The following TLR2 variants were observed in gnomAD, a reference collection of about 807,000 sequenced individuals.
TLR2 encodes the protein toll-like receptor 2.
Under a neutral mutation model 9.1 loss-of-function variants are expected in TLR2, and 7 were observed. The observed-to-expected ratio is 0.77, with a 90% CI of 0.44 to 1.44. The LOEUF (loss-of-function observed/expected upper bound fraction) is 1.44. TLR2 is among the 40% of genes most tolerant of loss of function. TLR2 has a pLI of 0.01. For synonymous variants in TLR2, 317 were observed against 344.6 expected, an observed-to-expected ratio of 0.92 and a Z score of 0.89; for missense variants, 812 against 904.6, an observed-to-expected ratio of 0.90 and a Z score of 1.31.
rs933891033 is a variant in TLR2 at position 153,705,680 on chromosome 4, A to G, written c.*418A>G. 29 of 167,194 alleles carry G rather than the reference A, an allele frequency of 1.7e-4. No individual in the cohort carries two copies. The highest frequency in any genetic ancestry group is 6.3e-4 in the African/African-American group (26 of 41,482). The allele number at this position is 167,194 out of a possible 1,614,324, so 10.4% of individuals were successfully genotyped here. A position where few individuals can be genotyped will look rare whatever the true frequency, so the allele number is the denominator to read the frequency against. ...ATCTCTAGATTACTTATGATACCCA[A>G]TACAATGTAAATACTATGTAAATAG... On this transcript the variant is annotated 3_prime_UTR_variant, in exon 3 of 3. Transcript: ENST00000642700.
intron 2 of TLR2, among the ~76,000 whole-genome samples, chr4:153,692,805 A>G (rs961411081): frequency 6.6e-6 from 1 of 152,222 alleles, no homozygotes; most frequent in Non-Finnish European, 1.5e-5. Flanking sequence ...AAATATAACT[A>G]CTTTGATATA....
At chr4:153,707,239 A>G (rs1737363508), downstream of TLR2, among the ~76,000 whole-genome samples, 1 of 152,146 alleles carries the variant, frequency 6.6e-6, no homozygotes, top group Non-Finnish European at 1.5e-5. Context: ...ACCTCCCAGA[A>G]GAGTGTTATG....
downstream of TLR2, among the ~76,000 whole-genome samples, chr4:153,708,150 A>C (rs1737390519): frequency 6.6e-6 from 1 of 152,212 alleles, no homozygotes. Context: ...GAGGCTGTTT[A>C]GTGATTATCT....
chr4:153,710,543 C>A, downstream of TLR2: 1 of 1,531,558 alleles, frequency 6.5e-7, no homozygotes, highest in South Asian at 1.2e-5. Context: ...CAGAAATATT[C>A]ATAAATGTCA....
intron 1 of TLR2, among the ~76,000 whole-genome samples, chr4:153,685,181 C>T (rs1168982828): frequency 6.6e-6 from 1 of 152,234 alleles, no homozygotes; most frequent in Non-Finnish European, 1.5e-5. Context: ...TAGAAAACAA[C>T]TTACAGCGTT....
downstream of TLR2, chr4:153,710,417 C>T (rs1453431570): frequency 1.9e-6 from 3 of 1,581,506 alleles, no homozygotes; most frequent in African/African-American, 4.0e-5. Flanking sequence ...TTCCTATCAC[C>T]ACAGGTTGCC....
chr4:153,706,117 T>A lies in TLR2; in HGVS notation c.*855T>A, dbSNP rs578171109. ...TACTAGAGGGTGTATTTTCATGTGA[T>A]CTGGATCTGTCTTTCTGGCTATTAG... On this transcript the variant is annotated 3_prime_UTR_variant, in exon 3 of 3. Transcript: ENST00000642700. Among the ~76,000 whole-genome samples the A allele has an allele frequency of 2.6e-5, 4 of 152,376 alleles. No individual in the cohort carries two copies. Among genetic ancestry groups the A allele is most frequent in the African/African-American group, 9.6e-5 (4 of 41,590 alleles).
At chr4:153,702,759 TCTTTG>T (rs1736986196) in intron 2 of TLR2, 128 bp from the exon 3 acceptor site, 15 of 570,694 alleles carry the variant, frequency 2.6e-5, no homozygotes, top group Admixed American at 4.0e-5. Flanking sequence ...TCTCTCTCTC[TCTTTG>T]TGTGTGTGTG....
chr4:153,696,366 T>C (rs565835713), intron 2 of TLR2, among the ~76,000 whole-genome samples: 1 of 152,290 alleles, frequency 6.6e-6, no homozygotes, highest in South Asian at 2.1e-4. Flanking sequence ...GCATCAGTGT[T>C]TATAGTGTTT....
At chr4:153,699,370 C>T (rs1050779246) in intron 2 of TLR2, among the ~76,000 whole-genome samples, 5 of 152,176 alleles carry the variant, frequency 3.3e-5, no homozygotes, top group Non-Finnish European at 7.3e-5. Context: ...TTAATTTGCA[C>T]TATGGTATAA....
rs759785067 is a variant in TLR2 at position 153,703,311 on chromosome 4, C to T, written c.404C>T (p.Pro135Leu). The change falls in exon 3 of 3, where the codon CCT becomes CTT. Residue 135 changes from proline (P) to leucine (L), a missense_variant. By Grantham distance (98) the Pro-to-Leu change is moderately conservative (BLOSUM62 -3). Coordinates refer to ENST00000642700, the MANE Select transcript of TLR2 (RefSeq NM_001318789.2). ...ACATTCTTAAACTTACTGGGAAATC[C>T]TTACAAAACCCTAGGGGAAACATCT... Reference protein sequence around the residue: ...SLTFLNLLGNPYKTLGETSLF... With the variant: ...SLTFLNLLGNLYKTLGETSLF... 6.2e-7 allele frequency: 1 copy of T among 1,612,310 alleles called. No individual in the cohort carries two copies. The highest frequency in any genetic ancestry group is 8.5e-7 in the Non-Finnish European group (1 of 1,179,630).
chr4:153,705,329 A>C lies in TLR2; in HGVS notation c.*67A>C. On this transcript the variant is annotated 3_prime_UTR_variant, in exon 3 of 3. Coordinates refer to ENST00000642700, the MANE Select transcript of TLR2 (RefSeq NM_001318789.2). Reference sequence around the variant, plus strand: ...TATGTCACTAGTTATAGTTAAGTTCATTCAGACATAATTATATAAAAACTA... The same window carrying C: ...TATGTCACTAGTTATAGTTAAGTTCCTTCAGACATAATTATATAAAAACTA... 4 of 1,446,548 alleles carry C rather than the reference A, an allele frequency of 2.8e-6. No homozygotes were observed. Among genetic ancestry groups the C allele is most frequent in the South Asian group, 1.5e-5 (1 of 66,398 alleles). The allele number at this position is 1,446,548 out of a possible 1,614,324, so 89.6% of individuals were successfully genotyped here. A position where few individuals can be genotyped will look rare whatever the true frequency, so the allele number is the denominator to read the frequency against.
chr4:153,689,000 C>T (rs555311139), intron 2 of TLR2, among the ~76,000 whole-genome samples: 56 of 152,194 alleles, frequency 3.7e-4, no homozygotes, highest in Non-Finnish European at 5.4e-4. Flanking sequence ...AGATTAAAAG[C>T]ACAACCATCA....
chr4:153,704,685 G>C lies in TLR2; in HGVS notation c.1778G>C (p.Gly593Ala). 1 of 1,613,670 alleles carries C rather than the reference G, an allele frequency of 6.2e-7. No homozygotes were observed. Among genetic ancestry groups the C allele is most frequent in the South Asian group, 1.1e-5 (1 of 91,054 alleles). Residue 593 changes from glycine to alanine, a missense_variant, in exon 3 of 3, where the codon GGC becomes GCC. Coordinates refer to ENST00000642700, the MANE Select transcript of TLR2 (RefSeq NM_001318789.2). The stretch of plus-strand genomic sequence containing the variant: ...TGTCACAGGACAGCACTGGTGTCTG[G>C]CATGTGCTGTGCTCTGTTCCTGCTG... ...SECHRTALVS[G>A]MCCALFLLIL...
At chr4:153,702,696 T>C in intron 2 of TLR2, 196 bp from the exon 3 acceptor site, 1 of 572,874 alleles carries the variant, frequency 1.7e-6, no homozygotes, top group Middle Eastern at 4.6e-4. Context: ...GCTGAATGTA[T>C]CAGGGAATTC....
At chr4:153,698,158 A>G (rs1230563403) in intron 2 of TLR2, among the ~76,000 whole-genome samples, 1 of 152,174 alleles carries the variant, frequency 6.6e-6, no homozygotes, top group Middle Eastern at 3.2e-3. Flanking sequence ...CAGGTTTCTG[A>G]TAACTTTAAG....
chr4:153,692,005 A>T (rs2127025269), intron 2 of TLR2, among the ~76,000 whole-genome samples: 1 of 152,250 alleles, frequency 6.6e-6, no homozygotes, highest in South Asian at 2.1e-4. Flanking sequence ...CACTGTGAAA[A>T]TTTTTTACGA....
chr4:153,689,733 G>A lies in TLR2; in HGVS notation c.-17+1686G>A, dbSNP rs371637017. Among the ~76,000 whole-genome samples the A allele has an allele frequency of 9.2e-5, 14 of 152,348 alleles. No individual in the cohort carries two copies. The East Asian group carries it at 2.3e-3, about 25-fold the overall frequency. ...TGCCCAATAAGTATAATTGTTCTCTGTGTTAGCCCTTGTTGAAGGAATACT... is the reference window on the plus strand; with the variant it reads ...TGCCCAATAAGTATAATTGTTCTCTATGTTAGCCCTTGTTGAAGGAATACT... On this transcript the variant is annotated intron_variant, in intron 2 of 2. Coordinates refer to ENST00000642700, the MANE Select transcript of TLR2 (RefSeq NM_001318789.2).
Position 153,703,637 on chromosome 4 carries a change from A to AC in TLR2, c.731dup (p.Gly245TrpfsTer2). ...CACTTTCCATTTTTCAGAACTATCC[A>AC]CTGGTGAAACAAATTCATTGATTAA... On this transcript the variant is annotated frameshift_variant, in exon 3 of 3. Transcript: ENST00000642700. LOFTEE classifies it low-confidence loss of function (END_TRUNC). 1 of 1,613,452 alleles carries AC rather than the reference A, an allele frequency of 6.2e-7. No individual in the cohort carries two copies. The highest frequency in any genetic ancestry group is 1.1e-5 in the South Asian group (1 of 90,898).
Sources: gnomAD v4.1 joint callset for allele counts (sites outside exome capture counted in the v4.1 genomes callset) on GRCh38, gnomAD v4.1.1 for gene constraint, MANE v1.5 for transcripts, NCBI Gene and HGNC (gene_info 2026-07-23, HGNC 2026-07-21) for gene names.